The following NFAT5 variants were observed in gnomAD, a reference collection of about 807,000 sequenced individuals.
NFAT5 encodes nuclear factor of activated T-cells 5.
A neutral mutation model predicts 166.5 loss-of-function variants in NFAT5; 31 were observed. The ratio of observed to expected loss-of-function variants is 0.19; its 90% CI spans 0.14 to 0.25. The LOEUF is 0.25. Among genes scored for constraint, NFAT5 ranks in the 10% least tolerant of loss-of-function variants. The pLI is 1.00. For missense variants in NFAT5, 1,449 were observed against 1,821.8 expected (o/e 0.80, Z 3.72); for synonymous variants, 612 against 639.7 (o/e 0.96, Z 0.65).
intron 2 of NFAT5, among the ~76,000 whole-genome samples, chr16:69,606,324 C>T (rs1036601258): frequency 2.0e-5 from 3 of 152,126 alleles, no homozygotes; most frequent in Non-Finnish European, 4.4e-5. Context: ...AAGAAATTGG[C>T]TGAACGGTAC....
chr16:69,591,106 A>AT (rs1160392669), intron 2 of NFAT5, among the ~76,000 whole-genome samples: 1 of 151,802 alleles, frequency 6.6e-6, no homozygotes, highest in Admixed American at 6.6e-5. Context: ...TAATTTTTCT[A>AT]TTTTTAGTAG....
In NFAT5 at chr16:69,701,629, A is replaced by T. The variant is rs1054040448; in HGVS notation, c.*5278A>T. ...AATTTGTCTTCATCTCAACCAGCTA[A>T]TGGTAGGTCTTATCTGAATACTCAT... is the stretch of plus-strand genomic sequence containing the variant. On this transcript the variant is annotated 3_prime_UTR_variant, in exon 15 of 15. Coordinates refer to ENST00000349945, the MANE Select transcript of NFAT5 (RefSeq NM_138713.4). 2.6e-5 allele frequency: 4 copies of T among 152,318 alleles called. No homozygotes were observed. The highest frequency in any genetic ancestry group is 7.2e-5 in the African/African-American group (3 of 41,446). 9.4% of individuals were successfully genotyped at this position (152,318 alleles called of 1,614,324 possible). A position where few individuals can be genotyped will look rare whatever the true frequency, so the allele number is the denominator to read the frequency against.
intron 2 of NFAT5, among the ~76,000 whole-genome samples, chr16:69,585,842 C>A (rs2032025402): frequency 6.6e-6 from 1 of 151,976 alleles, no homozygotes; most frequent in Non-Finnish European, 1.5e-5. Flanking sequence ...TATTGGTTAC[C>A]AGGAGCTGGG....
Position 69,695,165 on chromosome 16 carries a change from G to T in NFAT5, c.4444G>T (p.Ala1482Ser), listed in dbSNP as rs1362740253. ...TAGTCAGCTTTTAACCTCTGGACCA[G>T]CTACATTGCCTGATCAGTTGATGGC... is the stretch of plus-strand genomic sequence containing the variant. Reference protein sequence around the residue: ...NCSQLLTSGPATLPDQLMAIS... With the variant: ...NCSQLLTSGPSTLPDQLMAIS... Residue 1482 changes from alanine (A) to serine (S), a missense_variant, in exon 14 of 15, where the codon GCT becomes TCT. Ala to Ser is a moderately conservative substitution (Grantham distance 99, BLOSUM62 1). This residue lies in a region of NFAT5 where 891 missense variants were observed against 993.0 expected (regional missense o/e 0.90). Transcript: ENST00000349945. 6.2e-7 allele frequency: 1 copy of T among 1,614,064 alleles called. No homozygotes were observed. The highest frequency in any genetic ancestry group is 8.5e-7 in the Non-Finnish European group (1 of 1,180,042).
intron 9 of NFAT5, among the ~76,000 whole-genome samples, chr16:69,675,921 G>A (rs1384919831): frequency 6.6e-6 from 1 of 152,152 alleles, no homozygotes; most frequent in East Asian, 1.9e-4. Context: ...GATTACAGGC[G>A]TAAGCCACCA....
intron 3 of NFAT5, among the ~76,000 whole-genome samples, chr16:69,636,125 T>C (rs2034955952): frequency 6.6e-6 from 1 of 152,124 alleles, no homozygotes; most frequent in Non-Finnish European, 1.5e-5. Context: ...ACAGGGCCCA[T>C]GCAAGTCCGA....
chr16:69,602,525 C>T (rs558049736), intron 2 of NFAT5, among the ~76,000 whole-genome samples: 2 of 151,678 alleles, frequency 1.3e-5, no homozygotes, highest in South Asian at 2.1e-4. Context: ...CCTCAGCCTC[C>T]CAAAGTGCTG....
chr16:69,573,578 C>G (rs1016834607), intron 2 of NFAT5, among the ~76,000 whole-genome samples: 2 of 152,144 alleles, frequency 1.3e-5, no homozygotes, highest in Non-Finnish European at 2.9e-5. Context: ...TGTCAAAAGT[C>G]ATACCTAGTT....
At chr16:69,634,227 C>T (rs145105214) in intron 3 of NFAT5, among the ~76,000 whole-genome samples, 1,681 of 140,704 alleles carry the variant, frequency 0.012, 21 homozygotes, top group African/African-American at 0.04. Context: ...TACAGTGAGC[C>T]GAGATCATGC....
At chr16:69,616,815 G>A (rs545585998) in intron 2 of NFAT5, among the ~76,000 whole-genome samples, 1 of 151,862 alleles carries the variant, frequency 6.6e-6, no homozygotes, top group Admixed American at 6.6e-5. Context: ...CCCTGCTTAA[G>A]CTCTGAAATC....
chr16:69,595,864 T>C lies in NFAT5; in HGVS notation c.127+27316T>C, dbSNP rs77028821. Among the ~76,000 whole-genome samples the C allele has an allele frequency of 7.4e-4, 113 of 152,248 alleles. 1 individual carries two copies. In the East Asian group the frequency reaches 0.021, roughly 28 times the overall value. ...GATACTTTGACAGTTAATCTGATAA[T>C]CCATATGGTTACTAAGTGACTAAAG... is the stretch of plus-strand genomic sequence containing the variant. On this transcript the variant is annotated intron_variant, in intron 2 of 14. Transcript: ENST00000349945.
chr16:69,641,403 A>C (rs1287608295), intron 3 of NFAT5, among the ~76,000 whole-genome samples: 2 of 151,904 alleles, frequency 1.3e-5, no homozygotes, highest in Non-Finnish European at 2.9e-5. Context: ...CTCTTGCAAA[A>C]TTTTATGGCT....
chr16:69,661,769 A>G (rs373107208), intron 7 of NFAT5, among the ~76,000 whole-genome samples: 7 of 152,146 alleles, frequency 4.6e-5, no homozygotes, highest in East Asian at 3.8e-4. Context: ...GTTTTTGGAA[A>G]ACTTCATAGT....
intron 2 of NFAT5, among the ~76,000 whole-genome samples, chr16:69,575,032 C>T (rs563057984): frequency 6.6e-6 from 1 of 152,176 alleles, no homozygotes; most frequent in South Asian, 2.1e-4. Flanking sequence ...TTGCTTCCCA[C>T]CCATGAATGT....
intron 3 of NFAT5, among the ~76,000 whole-genome samples, chr16:69,630,652 A>G (rs72801347): frequency 0.059 from 8,969 of 152,330 alleles, 289 homozygotes; most frequent in Middle Eastern, 0.11. Context: ...AAATGAATTG[A>G]TGACACTTTT....
chr16:69,645,570 G>T (rs917298778), intron 3 of NFAT5, among the ~76,000 whole-genome samples: 6 of 151,828 alleles, frequency 4.0e-5, no homozygotes, highest in African/African-American at 1.5e-4. Flanking sequence ...ACAGATCTTT[G>T]GCACTTGGCT....
chr16:69,640,973 C>G (rs1275087134), intron 3 of NFAT5, among the ~76,000 whole-genome samples: 3 of 147,306 alleles, frequency 2.0e-5, no homozygotes, highest in Non-Finnish European at 4.5e-5. Flanking sequence ...AGGAGCGAAA[C>G]TCCATCTCAA....
chr16:69,615,521 C>T (rs181614691), intron 2 of NFAT5, among the ~76,000 whole-genome samples: 19 of 152,252 alleles, frequency 1.2e-4, no homozygotes, highest in African/African-American at 4.6e-4. Flanking sequence ...TTTCAGAGGA[C>T]AGAAGCTAGG....
In NFAT5 at chr16:69,695,203, A is replaced by C. The variant is rs1484039997; in HGVS notation, c.4482A>C (p.Pro1494=). ...ATCAGTTGATGGCCATAAGTCAGCC[A>C]GGCCAACCACAAAACGAGGGCCAGC... ...LPDQLMAISQ[P]GQPQNEGQPP... is the part of the protein sequence containing the mutation. The change falls in exon 14 of 15, where the codon CCA becomes CCC. Residue 1494 remains proline (P), a synonymous_variant. Transcript: ENST00000349945. The C allele has an allele frequency of 6.2e-7, 1 of 1,614,242 alleles. No individual in the cohort carries two copies. The highest frequency in any genetic ancestry group is 1.1e-5 in the South Asian group (1 of 91,086).
Sources: allele counts gnomAD v4.1 joint callset (sites outside exome capture counted in the v4.1 genomes callset), GRCh38; gene constraint gnomAD v4.1.1; regional missense constraint gnomAD v4.1.1; transcripts MANE v1.5; gene names NCBI Gene and HGNC (gene_info 2026-07-23, HGNC 2026-07-21).